Variants in COX7B2 observed in about 807,000 individuals in gnomAD.
COX7B2 encodes the protein cytochrome c oxidase subunit 7B2, mitochondrial.
For missense variants in COX7B2, 109 were observed against 95.9 expected (o/e 1.14, Z -0.57); for synonymous variants, 37 against 32.1 (o/e 1.15, Z -0.51).
chr4:46,864,869 C>T (rs1171276501), intron 1 of COX7B2, among the ~76,000 whole-genome samples: 2 of 152,156 alleles, frequency 1.3e-5, no homozygotes, highest in Admixed American at 1.3e-4. Context: ...TGGTCTCCAT[C>T]TCCTGACCTC....
At chr4:46,796,288 A>G (rs1718336647) in intron 2 of COX7B2, among the ~76,000 whole-genome samples, 1 of 146,488 alleles carries the variant, frequency 6.8e-6, no homozygotes, top group African/African-American at 2.6e-5. Context: ...CGGTTTTCAA[A>G]GGGAATGCTT....
At chr4:46,883,892 A>C (rs1718903567) in intron 1 of COX7B2, among the ~76,000 whole-genome samples, 1 of 152,138 alleles carries the variant, frequency 6.6e-6, no homozygotes, top group Non-Finnish European at 1.5e-5. Flanking sequence ...CTTATAAATC[A>C]TCCTGGAAAC....
intron 2 of COX7B2, among the ~76,000 whole-genome samples, chr4:46,807,692 G>C (rs1719074550): frequency 6.6e-6 from 1 of 151,526 alleles, no homozygotes; most frequent in Non-Finnish European, 1.5e-5. Context: ...TTTTGTGTAT[G>C]GTATAAGGGC....
At position 46,832,967 on chromosome 4, in the gene COX7B2, G is replaced by A. The variant is rs551555605; in HGVS notation, c.-50+11993C>T. Among the ~76,000 whole-genome samples, 9 of 152,006 alleles carry A rather than the reference G, an allele frequency of 5.9e-5. No homozygotes were observed. The South Asian group carries it at 1.5e-3, about 25-fold the overall frequency. ...GTTGCCCAGGCTGGAGTGCAAAGGC[G>A]TGATCTTGGCTTACCACAACCTCCG... is the stretch of plus-strand genomic sequence containing the variant. On this transcript the variant is annotated intron_variant, in intron 2 of 2. Transcript: ENST00000355591.
At chr4:46,907,957 G>A (rs528173048) in intron 1 of COX7B2, among the ~76,000 whole-genome samples, 7 of 146,390 alleles carry the variant, frequency 4.8e-5, no homozygotes, top group Non-Finnish European at 1.0e-4. Flanking sequence ...GGGTTCAAGC[G>A]ATTCTCCCGG....
chr4:46,839,447 C>T (rs989783901), intron 2 of COX7B2, among the ~76,000 whole-genome samples: 1 of 151,952 alleles, frequency 6.6e-6, no homozygotes, highest in African/African-American at 2.4e-5. Flanking sequence ...AGCCTGTCAG[C>T]AGCTCAAAGT....
chr4:46,850,726 C>T lies in COX7B2; in HGVS notation c.-104-5712G>A, dbSNP rs143605600. Among the ~76,000 whole-genome samples, 77 of 152,132 alleles carry T rather than the reference C, an allele frequency of 5.1e-4. 1 individual carries two copies. The East Asian group carries it at 0.014, about 28-fold the overall frequency. ...TAAGCGACAGCAAACTGTTATTCTT[C>T]ACTACTGTACATAGGTCGAACATAT... On this transcript the variant is annotated intron_variant, in intron 1 of 2. Transcript: ENST00000355591.
chr4:46,832,941 T>C (rs1356727680), intron 2 of COX7B2, among the ~76,000 whole-genome samples: 1 of 152,066 alleles, frequency 6.6e-6, no homozygotes, highest in Non-Finnish European at 1.5e-5. Context: ...GTCTCGCTCT[T>C]GTTGCCCAGG....
At chr4:46,787,766 A>G (rs901485802) in intron 2 of COX7B2, among the ~76,000 whole-genome samples, 3 of 152,198 alleles carry the variant, frequency 2.0e-5, no homozygotes, top group African/African-American at 4.8e-5. Flanking sequence ...GCTGGAGATG[A>G]ATTCTGTAAT....
chr4:46,849,943 C>T (rs1716555711), intron 1 of COX7B2, among the ~76,000 whole-genome samples: 5 of 152,104 alleles, frequency 3.3e-5, no homozygotes, highest in South Asian at 4.1e-4. Flanking sequence ...CCTGTGCTTC[C>T]TCACAGCTAT....
intron 1 of COX7B2, among the ~76,000 whole-genome samples, chr4:46,877,774 G>T (rs1433918504): frequency 1.1e-5 from 1 of 88,404 alleles, no homozygotes; most frequent in Non-Finnish European, 2.9e-5. Context: ...CTGGTACACT[G>T]TTTGTGGGAA....
intron 2 of COX7B2, among the ~76,000 whole-genome samples, chr4:46,739,524 T>C (rs949810191): frequency 1.3e-5 from 2 of 152,024 alleles, no homozygotes; most frequent in Non-Finnish European, 2.9e-5. Flanking sequence ...GAGAAATAAA[T>C]AATTATTGCT....
intron 2 of COX7B2, among the ~76,000 whole-genome samples, chr4:46,738,657 A>G (rs539594179): frequency 1.9e-3 from 284 of 152,224 alleles, no homozygotes; most frequent in Middle Eastern, 0.014. Flanking sequence ...TCCTACTCCT[A>G]TTATCTAAAG....
At chr4:46,860,802 G>A (rs977134959) in intron 1 of COX7B2, among the ~76,000 whole-genome samples, 2 of 152,152 alleles carry the variant, frequency 1.3e-5, no homozygotes, top group African/African-American at 4.8e-5. Context: ...GAGCAATTGT[G>A]TAAGGCAGGA....
intron 2 of COX7B2, among the ~76,000 whole-genome samples, chr4:46,748,492 C>T (rs1715157147): frequency 6.6e-6 from 1 of 152,092 alleles, no homozygotes; most frequent in Admixed American, 6.6e-5. Flanking sequence ...AAAAGGAATC[C>T]AGGTTCAGAC....
At chr4:46,908,669 G>C (rs1173376783) in intron 1 of COX7B2, among the ~76,000 whole-genome samples, 3 of 149,900 alleles carry the variant, frequency 2.0e-5, no homozygotes, top group Admixed American at 6.7e-5. Flanking sequence ...ATGTCAGAGT[G>C]AGAGGAAGGT....
chr4:46,880,646 A>G (rs1344624286), intron 1 of COX7B2, among the ~76,000 whole-genome samples: 1 of 151,226 alleles, frequency 6.6e-6, no homozygotes, highest in Non-Finnish European at 1.5e-5. Flanking sequence ...CATTCTCTTC[A>G]TCATTTCTAG....
chr4:46,895,326 C>G (rs1719692111), intron 1 of COX7B2, among the ~76,000 whole-genome samples: 1 of 152,114 alleles, frequency 6.6e-6, no homozygotes, highest in Admixed American at 6.6e-5. Context: ...GAATGAGACC[C>G]TGTCTTTTGT....
chr4:46,896,601 T>C (rs1340060822), intron 1 of COX7B2, among the ~76,000 whole-genome samples: 1 of 151,862 alleles, frequency 6.6e-6, no homozygotes, highest in Non-Finnish European at 1.5e-5. Flanking sequence ...CTCTGGGGAC[T>C]ATTTTCCTGG....
Sources: allele counts gnomAD v4.1 joint callset (sites outside exome capture counted in the v4.1 genomes callset), GRCh38; gene constraint gnomAD v4.1.1; transcripts MANE v1.5; gene names NCBI Gene and HGNC (gene_info 2026-07-23, HGNC 2026-07-21).